The following PACRGL variants were observed in gnomAD, a reference collection of about 807,000 sequenced individuals.
PACRGL encodes the protein parkin coregulated like.
A neutral mutation model predicts 34.5 loss-of-function variants in PACRGL; 38 were observed. That is an observed-to-expected ratio of 1.10 (90% CI 0.85 to 1.44). The LOEUF (loss-of-function observed/expected upper bound fraction) is 1.44. PACRGL is among the 40% of genes most tolerant of loss of function. The probability of loss-of-function intolerance (pLI) is 0.00; values close to 1 mark genes in which losing one functional copy is unlikely to be tolerated. For synonymous variants in PACRGL, 128 were observed against 100.1 expected, an observed-to-expected ratio of 1.28 and a Z score of -1.66; for missense variants, 305 against 281.4, an observed-to-expected ratio of 1.08 and a Z score of -0.60.
chr4:20,704,837 C>T lies in PACRGL; in HGVS notation c.207+23C>T, dbSNP rs187438870. On this transcript the variant is annotated intron_variant, in intron 3 of 8. Coordinates refer to ENST00000503585, the MANE Select transcript of PACRGL (RefSeq NM_001258345.3). ...CCGGTAGGTCCAAAACTATTCCTAACTCAGTAGATTTTTTAAAGGCATTTC... is the reference window on the plus strand; with the variant it reads ...CCGGTAGGTCCAAAACTATTCCTAATTCAGTAGATTTTTTAAAGGCATTTC... The T allele has an allele frequency of 2.3e-3, 3,768 of 1,611,042 alleles. 3 individuals are homozygous for T. Among genetic ancestry groups the T allele is most frequent in the Non-Finnish European group, 3.0e-3 (3,479 of 1,177,436 alleles).
chr4:20,742,903 G>A (rs953571542), intron 8 of PACRGL, among the ~76,000 whole-genome samples: 3 of 152,040 alleles, frequency 2.0e-5, no homozygotes, highest in Non-Finnish European at 4.4e-5. Context: ...AAAATCACAG[G>A]CATTCCTATA....
In PACRGL at chr4:20,729,432, A is replaced by ATAAGT. The variant is rs1553881489; in HGVS notation, c.*2093_*2097dup. On this transcript the variant is annotated 3_prime_UTR_variant, in exon 9 of 9. Transcript: ENST00000503585. ...TATGGAAAATTAAATGCTTATTAAAATAAGTTTTATTAGGCATATGCTGAT... is the reference window on the plus strand; with the variant it reads ...TATGGAAAATTAAATGCTTATTAAAATAAGTTAAGTTTTATTAGGCATATGCTGAT... The ATAAGT allele has an allele frequency of 6.6e-6, 1 of 151,782 alleles. No individual in the cohort carries two copies. The highest frequency in any genetic ancestry group is 1.5e-5 in the Non-Finnish European group (1 of 67,950). 9.4% of individuals were successfully genotyped at this position (151,782 alleles called of 1,614,324 possible).
intron 1 of PACRGL, chr4:20,702,315 T>A (rs1274212206): frequency 1.4e-5 from 6 of 416,734 alleles, no homozygotes; most frequent in Non-Finnish European, 9.7e-6. Flanking sequence ...TGCATCGCTT[T>A]TATCTGTTGC....
chr4:20,711,823 T>A (rs997696899), intron 5 of PACRGL, among the ~76,000 whole-genome samples: 18 of 152,176 alleles, frequency 1.2e-4, no homozygotes, highest in South Asian at 6.2e-4. Flanking sequence ...TACAGTTTTT[T>A]AAAATATTTT....
downstream of PACRGL, chr4:20,734,788 CA>C (rs370525081): frequency 4.9e-5 from 45 of 919,322 alleles, no homozygotes; most frequent in African/African-American, 3.8e-4. Flanking sequence ...AAAACAAAAA[CA>C]AAAAAAACAA....
chr4:20,701,968 G>T, intron 1 of PACRGL: 2 of 454,324 alleles, frequency 4.4e-6, no homozygotes, highest in South Asian at 1.6e-5. Context: ...GGATGTAGAC[G>T]TGTTTGCATT....
rs1738130835 is a variant in PACRGL at position 20,713,194 on chromosome 4, A to G, written c.502-238A>G. 5 of 558,556 alleles carry G rather than the reference A, an allele frequency of 9.0e-6. No homozygotes were observed. The South Asian group carries it at 1.1e-4, about 12-fold the overall frequency. 34.6% of individuals were successfully genotyped at this position (558,556 alleles called of 1,614,324 possible). On this transcript the variant is annotated intron_variant, in intron 6 of 8. Transcript: ENST00000503585. ...ATGAACCTCAAATCAGCCTTTCTGT[A>G]TGCTACATATATTTTAGTTAATGCT...
At chr4:20,742,936 C>T (rs1406789121) in intron 8 of PACRGL, among the ~76,000 whole-genome samples, 1 of 151,698 alleles carries the variant, frequency 6.6e-6, no homozygotes, top group Non-Finnish European at 1.5e-5. Flanking sequence ...ACAAACAGAG[C>T]CAAATCATGA....
At chr4:20,751,825 G>A (rs559694294) in intron 8 of PACRGL, among the ~76,000 whole-genome samples, 3 of 152,290 alleles carry the variant, frequency 2.0e-5, no homozygotes, top group African/African-American at 7.2e-5. Flanking sequence ...AGGACATCCT[G>A]TTCTTCTAAA....
downstream of PACRGL, among the ~76,000 whole-genome samples, chr4:20,753,906 G>A (rs1754065245): frequency 6.6e-6 from 1 of 151,184 alleles, no homozygotes. Context: ...GAGCTCATTT[G>A]TTCATTCATT....
chr4:20,697,904 A>G (rs1465046441), upstream of PACRGL, among the ~76,000 whole-genome samples: 1 of 152,118 alleles, frequency 6.6e-6, no homozygotes. Context: ...TCGCCACCCA[A>G]AAGCCCCACC....
At chr4:20,719,179 C>T (rs891361828) in intron 7 of PACRGL, among the ~76,000 whole-genome samples, 3 of 151,962 alleles carry the variant, frequency 2.0e-5, no homozygotes, top group African/African-American at 7.3e-5. Flanking sequence ...TGGTGATATC[C>T]CTTGTATCAT....
intron 8 of PACRGL, among the ~76,000 whole-genome samples, chr4:20,744,780 A>G (rs1202436968): frequency 6.6e-6 from 1 of 152,158 alleles, no homozygotes; most frequent in Non-Finnish European, 1.5e-5. Flanking sequence ...TAATAAAAAT[A>G]TAAAATAAAA....
intron 8 of PACRGL, among the ~76,000 whole-genome samples, chr4:20,725,937 C>A (rs1353889833): frequency 1.3e-5 from 2 of 151,974 alleles, no homozygotes; most frequent in African/African-American, 2.4e-5. Context: ...TCCCATGTCT[C>A]CTCTGCAGCA....
intron 8 of PACRGL, among the ~76,000 whole-genome samples, chr4:20,725,371 AC>A (rs1745214142): frequency 6.6e-6 from 1 of 152,008 alleles, no homozygotes; most frequent in African/African-American, 2.4e-5. Context: ...ACACACACAC[AC>A]ACACGGACAC....
the PACRGL span, chr4:20,767,288 C>T: frequency 6.6e-6 from 1 of 152,188 alleles, no homozygotes; most frequent in South Asian, 2.1e-4. Flanking sequence ...AGAATTTACC[C>T]TAAAAGAAAG....
intron 7 of PACRGL, among the ~76,000 whole-genome samples, chr4:20,722,448 T>C (rs1441228550): frequency 6.6e-6 from 1 of 152,228 alleles, no homozygotes; most frequent in Non-Finnish European, 1.5e-5. Flanking sequence ...GAGCTCTTCC[T>C]ATTCGGCCAT....
intron 7 of PACRGL, 118 bp downstream of exon 7, chr4:20,713,657 C>G (rs1203607578): frequency 1.3e-6 from 1 of 755,264 alleles, no homozygotes; most frequent in Admixed American, 2.4e-5. Context: ...TCCCTCTACA[C>G]ACTGCTTTGA....
Position 20,729,924 on chromosome 4 carries a change from C to G in PACRGL, c.*2583C>G, listed in dbSNP as rs879244358. The G allele has an allele frequency of 1.3e-6, 1 of 796,212 alleles. No individual in the cohort carries two copies. Among genetic ancestry groups the G allele is most frequent in the South Asian group, 3.4e-5 (1 of 29,630 alleles). 49.3% of individuals were successfully genotyped at this position (796,212 alleles called of 1,614,324 possible). A position where few individuals can be genotyped will look rare whatever the true frequency, so the allele number is the denominator to read the frequency against. On this transcript the variant is annotated 3_prime_UTR_variant, in exon 9 of 9. Transcript: ENST00000503585. ...GGATGCAAATTTATAACTGAAAGCTCAAATCTTTTGGGGATTGCTTTATAT... is the reference window on the plus strand; with the variant it reads ...GGATGCAAATTTATAACTGAAAGCTGAAATCTTTTGGGGATTGCTTTATAT...
Sources: allele counts gnomAD v4.1 joint callset (sites outside exome capture counted in the v4.1 genomes callset), GRCh38; gene constraint gnomAD v4.1.1; transcripts MANE v1.5; gene names NCBI Gene and HGNC (gene_info 2026-07-23, HGNC 2026-07-21).